The following PLEKHM2 variants were observed in gnomAD, a reference collection of about 807,000 sequenced individuals.
PLEKHM2 encodes pleckstrin homology and RUN domain containing M2, also known as pleckstrin homology domain-containing family M member 2.
In PLEKHM2, 77 loss-of-function variants were observed where a neutral mutation model predicts 116.3. That is an observed-to-expected ratio of 0.66 (90% CI 0.55 to 0.80). PLEKHM2 has a LOEUF of 0.80. Among genes scored for constraint, PLEKHM2 ranks in the 30% least tolerant of loss-of-function variants. The pLI, the probability that PLEKHM2 is intolerant of heterozygous loss-of-function variation, is 0.00. For synonymous variants in PLEKHM2, 562 were observed against 571.0 expected (o/e 0.98, Z 0.22); for missense variants, 1,183 against 1,354.9 (o/e 0.87, Z 1.99).
intron 1 of PLEKHM2, among the ~76,000 whole-genome samples, chr1:15,712,881 A>G (rs1571045872): frequency 1.3e-5 from 2 of 151,698 alleles, no homozygotes; most frequent in South Asian, 4.2e-4. Flanking sequence ...GCTCACTGCA[A>G]CCTCCACCTC....
chr1:15,728,880 C>T lies in PLEKHM2; in HGVS notation c.1986+147C>T, dbSNP rs1235396999. Reference sequence around the variant, plus strand: ...TAACTCTCAGAGAGGCTTCTGTACACGATGCTGGGGGTAAGAACCAAGCTT... The same window carrying T: ...TAACTCTCAGAGAGGCTTCTGTACATGATGCTGGGGGTAAGAACCAAGCTT... On this transcript the variant is annotated intron_variant, in intron 12 of 19. Coordinates refer to ENST00000375799, the MANE Select transcript of PLEKHM2 (RefSeq NM_015164.4). The surrounding 1 kb of genome is among the most constrained non-coding windows in gnomAD (Gnocchi z 5.9). The T allele has an allele frequency of 7.2e-6, 6 of 834,030 alleles. No homozygotes were observed. The highest frequency in any genetic ancestry group is 5.3e-5 in the East Asian group (2 of 37,614). The allele number at this position is 834,030 out of a possible 1,614,324, so 51.7% of individuals were successfully genotyped here. A position where few individuals can be genotyped will look rare whatever the true frequency, so the allele number is the denominator to read the frequency against.
intron 1 of PLEKHM2, among the ~76,000 whole-genome samples, chr1:15,690,338 T>G (rs1341311031): frequency 6.6e-6 from 1 of 152,206 alleles, no homozygotes; most frequent in Non-Finnish European, 1.5e-5. Flanking sequence ...AGTACAGTCG[T>G]GAGCCACTGC....
Position 15,730,594 on chromosome 1 carries a change from C to G in PLEKHM2, c.2271C>G (p.Ser757=). 6.2e-7 allele frequency: 1 copy of G among 1,606,326 alleles called. No individual in the cohort carries two copies. Reference sequence around the variant, plus strand: ...ACTGGGAGGACCCCACAGACGAGTCCCTGGGCCCCACGCCCTGCCACTGCT... The same window carrying G: ...ACTGGGAGGACCCCACAGACGAGTCGCTGGGCCCCACGCCCTGCCACTGCT... ...LVHWEDPTDE[S]LGPTPCHCSP... The change falls in exon 15 of 20, where the codon TCC becomes TCG. Residue 757 remains serine, a synonymous_variant. Coordinates refer to ENST00000375799, the MANE Select transcript of PLEKHM2 (RefSeq NM_015164.4).
At chr1:15,693,944 C>T (rs1036447455) in intron 1 of PLEKHM2, among the ~76,000 whole-genome samples, 3 of 152,156 alleles carry the variant, frequency 2.0e-5, no homozygotes, top group Admixed American at 6.5e-5. Context: ...CATCAGGATT[C>T]ACCACCACGG....
At chr1:15,682,527 G>C (rs1346684952), upstream of PLEKHM2, among the ~76,000 whole-genome samples, 1 of 151,870 alleles carries the variant, frequency 6.6e-6, no homozygotes, top group East Asian at 1.9e-4. Flanking sequence ...GCTGAGGCAG[G>C]AGAATCGCTT....
rs1309194737 is a variant in PLEKHM2, at chr1:15,729,200, A to C, written c.2075+10A>C. 1.3e-6 allele frequency: 2 copies of C among 1,599,740 alleles called. No homozygotes were observed. Among genetic ancestry groups the C allele is most frequent in the Non-Finnish European group, 8.5e-7 (1 of 1,172,436 alleles). ...ATGTGGCGCTGGCTGAGTGAGTGGC[A>C]ACCCCGCCCCTCTGGAAGGATTGGA... On this transcript the variant is annotated intron_variant, in intron 13 of 19. Coordinates refer to ENST00000375799, the MANE Select transcript of PLEKHM2 (RefSeq NM_015164.4). The surrounding 1 kb of genome is among the most constrained non-coding windows in gnomAD (Gnocchi z 4.7).
intron 1 of PLEKHM2, among the ~76,000 whole-genome samples, chr1:15,697,192 C>T (rs1412668005): frequency 1.3e-5 from 2 of 152,234 alleles, no homozygotes; most frequent in Non-Finnish European, 2.9e-5. Context: ...CAACACTGAG[C>T]GTGCAGAGCT....
At chr1:15,707,269 C>CCA (rs1553159017) in intron 1 of PLEKHM2, among the ~76,000 whole-genome samples, 8 of 138,464 alleles carry the variant, frequency 5.8e-5, no homozygotes, top group African/African-American at 2.1e-4. Context: ...AAAAAAAATA[C>CCA]AAAAAAAAAA....
At chr1:15,707,292 G>T (rs542385464) in intron 1 of PLEKHM2, among the ~76,000 whole-genome samples, 1 of 151,842 alleles carries the variant, frequency 6.6e-6, no homozygotes, top group Non-Finnish European at 1.5e-5. Flanking sequence ...AATTAGCCAG[G>T]TGTGGTGGTA....
intron 1 of PLEKHM2, among the ~76,000 whole-genome samples, 166 bp downstream of exon 1, chr1:15,684,784 C>T (rs1213664813): frequency 1.3e-5 from 2 of 151,206 alleles, no homozygotes; most frequent in South Asian, 2.1e-4. Context: ...GCGCCGCTCA[C>T]GTGAGCGCCG....
intron 1 of PLEKHM2, among the ~76,000 whole-genome samples, chr1:15,684,987 C>T (rs935024687): frequency 7.4e-4 from 113 of 152,296 alleles, no homozygotes; most frequent in African/African-American, 2.6e-3. Context: ...ATCCCCGGGT[C>T]CCCCCGCCAG....
At chr1:15,705,323 T>C (rs1373144430) in intron 1 of PLEKHM2, among the ~76,000 whole-genome samples, 1 of 151,670 alleles carries the variant, frequency 6.6e-6, no homozygotes, top group African/African-American at 2.4e-5. Context: ...GGACTACAAG[T>C]GTATCGTGCC....
chr1:15,720,159 A>AT (rs1198091412), intron 6 of PLEKHM2, among the ~76,000 whole-genome samples: 4 of 149,766 alleles, frequency 2.7e-5, no homozygotes, highest in African/African-American at 9.8e-5. Flanking sequence ...TAAAATATAT[A>AT]TTTTTTAAGG....
At chr1:15,692,259 A>T (rs2148331735) in intron 1 of PLEKHM2, among the ~76,000 whole-genome samples, 1 of 152,348 alleles carries the variant, frequency 6.6e-6, no homozygotes, top group East Asian at 1.9e-4. Context: ...AAGAGTTTTA[A>T]ATGTTCTCAA....
chr1:15,687,538 G>A (rs1170686778), intron 1 of PLEKHM2, among the ~76,000 whole-genome samples: 2 of 152,122 alleles, frequency 1.3e-5, no homozygotes, highest in Non-Finnish European at 2.9e-5. Context: ...TTGTGCAAGA[G>A]CCCATTCCTC....
chr1:15,701,163 G>A (rs1469048812), intron 1 of PLEKHM2, among the ~76,000 whole-genome samples: 2 of 149,336 alleles, frequency 1.3e-5, no homozygotes, highest in East Asian at 3.9e-4. Context: ...TGGGTGCGGT[G>A]GCTCACTCCT....
intron 1 of PLEKHM2, among the ~76,000 whole-genome samples, chr1:15,712,612 C>G (rs1249821112): frequency 6.6e-6 from 1 of 150,532 alleles, no homozygotes; most frequent in Non-Finnish European, 1.5e-5. Context: ...AAAGGCAAAA[C>G]AAGTTTCAGA....
intron 7 of PLEKHM2, among the ~76,000 whole-genome samples, chr1:15,724,567 C>T (rs541311610): frequency 2.6e-5 from 4 of 152,096 alleles, no homozygotes; most frequent in Admixed American, 1.3e-4. Context: ...TGTGTAGGGT[C>T]AGGGGTGCTG....
rs752362434 is a variant in PLEKHM2, at chr1:15,733,806, C to A, written c.2932C>A (p.Pro978Thr). ...GWKTIYQVDL[P>T]HTAIQEASNK... The stretch of plus-strand genomic sequence containing the variant: ...GCACGCCCCAACACAGGTGGACCTC[C>A]CCCACACGGCGATCCAGGAAGCCTC... The change falls in exon 20 of 20, where the codon CCC becomes ACC. Residue 978 changes from proline to threonine, a missense_variant. By Grantham distance (38) the Pro-to-Thr change is conservative. Transcript: ENST00000375799. 1 of 1,612,950 alleles carries A rather than the reference C, an allele frequency of 6.2e-7. No individual in the cohort carries two copies. The highest frequency in any genetic ancestry group is 1.1e-5 in the South Asian group (1 of 91,072).
Sources: gnomAD v4.1 joint callset for allele counts (sites outside exome capture counted in the v4.1 genomes callset) on GRCh38, gnomAD v4.1.1 for gene constraint, Gnocchi (gnomAD v3.1) non-coding constraint, MANE v1.5 for transcripts, NCBI Gene and HGNC (gene_info 2026-07-23, HGNC 2026-07-21) for gene names.